Variants in EVC observed in about 807,000 individuals in gnomAD.
EVC encodes evC complex member EVC.
Under a neutral mutation model 118.9 loss-of-function variants are expected in EVC, and 116 were observed. The ratio of observed to expected loss-of-function variants is 0.98; its 90% CI spans 0.84 to 1.14. The LOEUF (loss-of-function observed/expected upper bound fraction) is 1.14, where lower values mean the gene tolerates loss of function less well. EVC is among the 50% of genes most tolerant of loss of function. The pLI, the probability that EVC is intolerant of heterozygous loss-of-function variation, is 0.00. For synonymous variants in EVC, 619 were observed against 534.7 expected, an observed-to-expected ratio of 1.16 and a Z score of -2.18; for missense variants, 1,401 against 1,246.4, an observed-to-expected ratio of 1.12 and a Z score of -1.87.
At chr4:5,815,017 C>T (rs1717455361), downstream of EVC, among the ~76,000 whole-genome samples, 1 of 152,096 alleles carries the variant, frequency 6.6e-6, no homozygotes, top group African/African-American at 2.4e-5. Context: ...ATAAACAATC[C>T]CACTAAACCC....
intron 2 of EVC, among the ~76,000 whole-genome samples, chr4:5,720,011 G>A (rs1577326243): frequency 6.6e-6 from 1 of 152,214 alleles, no homozygotes; most frequent in South Asian, 2.1e-4. Flanking sequence ...GGGGGTGGGG[G>A]TGCTGGGCCT....
intron 12 of EVC, among the ~76,000 whole-genome samples, chr4:5,792,562 A>G (rs1163091465): frequency 6.6e-6 from 1 of 152,234 alleles, no homozygotes; most frequent in Non-Finnish European, 1.5e-5. Flanking sequence ...ATCAGACCGT[A>G]AGTCAGGCCG....
At chr4:5,729,001 T>A (rs6825779) in intron 2 of EVC, among the ~76,000 whole-genome samples, 94,177 of 151,822 alleles carry the variant, frequency 0.62, 29,362 homozygotes, top group Middle Eastern at 0.64. Context: ...CCCATCTGTC[T>A]GTCCATCCTT....
intron 16 of EVC, among the ~76,000 whole-genome samples, chr4:5,804,325 A>C (rs576158008): frequency 6.6e-6 from 1 of 152,208 alleles, no homozygotes; most frequent in African/African-American, 2.4e-5. Context: ...AATGGGGCAT[A>C]ACTTCAGAGC....
At chr4:5,786,100 C>T (rs966303474) in intron 12 of EVC, among the ~76,000 whole-genome samples, 1 of 152,218 alleles carries the variant, frequency 6.6e-6, no homozygotes, top group African/African-American at 2.4e-5. Flanking sequence ...AGCCAGTGAG[C>T]TGACCTCTTG....
In EVC at chr4:5,744,152, G is replaced by C. The variant is rs574835425; in HGVS notation, c.802-1052G>C. On this transcript the variant is annotated intron_variant, in intron 6 of 20. Transcript: ENST00000264956. ...CTTAAAACTTTCAGAAGAGGACAAG[G>C]AGTGCCCAGAATTTGGAAGAGTAAG... 4.6e-5 allele frequency among the ~76,000 whole-genome samples: 7 copies of C among 152,304 alleles called. No individual in the cohort carries two copies. The South Asian group carries it at 6.2e-4, about 14-fold the overall frequency.
downstream of EVC, among the ~76,000 whole-genome samples, chr4:5,816,751 A>G (rs773123362): frequency 6.7e-6 from 1 of 148,954 alleles, no homozygotes; most frequent in Non-Finnish European, 1.5e-5. Flanking sequence ...CTGCATCGCA[A>G]ATCTGTGGGC....
At chr4:5,729,931 C>T (rs1726512791) in intron 3 of EVC, among the ~76,000 whole-genome samples, 3 of 152,222 alleles carry the variant, frequency 2.0e-5, no homozygotes, top group South Asian at 4.1e-4. Context: ...ACCCCAACAC[C>T]TGGCTATGGT....
chr4:5,783,736 T>TC lies in EVC; in HGVS notation c.1750dup (p.Gln584ProfsTer45), dbSNP rs1736000365. On this transcript the variant is annotated frameshift_variant, in exon 12 of 21. Coordinates refer to ENST00000264956, the MANE Select transcript of EVC (RefSeq NM_153717.3). LOFTEE classifies it high-confidence loss of function. ...TTCCGGAGGCAGCAGTGGAAACTCT[T>TC]CCAGGAGCTCCTAGAGCAAGACCAG... The TC allele has an allele frequency of 1.2e-6, 2 of 1,613,300 alleles. No homozygotes were observed. The highest frequency in any genetic ancestry group is 1.7e-6 in the Non-Finnish European group (2 of 1,179,646).
At chr4:5,821,748 G>T in the EVC span, 1 of 1,601,370 alleles carries the variant, frequency 6.2e-7, no homozygotes, top group African/African-American at 1.3e-5. The surrounding 1 kb of genome is among the most constrained non-coding windows in gnomAD (Gnocchi z 4.4). Flanking sequence ...TAGCTCCTCC[G>T]CGCATCCACG....
intron 1 of EVC, among the ~76,000 whole-genome samples, chr4:5,713,978 C>T (rs1490922328): frequency 6.6e-6 from 1 of 152,218 alleles, no homozygotes; most frequent in Non-Finnish European, 1.5e-5. Context: ...TTCCCCTGAG[C>T]ACCTACCCTG....
chr4:5,748,094 CTTTCTTAAG>C, intron 7 of EVC, 45 bp from the exon 8 acceptor site: 1 of 1,582,696 alleles, frequency 6.3e-7, no homozygotes, highest in Non-Finnish European at 8.6e-7. Flanking sequence ...CACCGTTTGG[CTTTCTTAAG>C]TAAGTTTTTC....
the EVC span, chr4:5,821,765 C>G: frequency 1.9e-6 from 3 of 1,609,186 alleles, no homozygotes; most frequent in Non-Finnish European, 2.5e-6. The surrounding 1 kb of genome is among the most constrained non-coding windows in gnomAD (Gnocchi z 4.4). Context: ...CACGTTCAAC[C>G]GAGGCTGGTG....
intron 1 of EVC, among the ~76,000 whole-genome samples, chr4:5,713,460 C>T (rs1723380446): frequency 6.6e-6 from 1 of 152,082 alleles, no homozygotes; most frequent in Admixed American, 6.5e-5. Flanking sequence ...AGCTGTTCAA[C>T]TGAGGTCAGG....
chr4:5,815,110 A>G (rs1717471798), downstream of EVC, among the ~76,000 whole-genome samples: 1 of 152,146 alleles, frequency 6.6e-6, no homozygotes, highest in Non-Finnish European at 1.5e-5. Context: ...TCAGCAGGAA[A>G]GGGAACAGTG....
the EVC span, chr4:5,824,926 A>G: frequency 3.0e-6 from 3 of 985,402 alleles, no homozygotes; most frequent in Non-Finnish European, 3.6e-6. Flanking sequence ...TCAACATCTA[A>G]TTTTGTTCCC....
rs767819783 is a variant in EVC at position 5,753,019 on chromosome 4, G to A, written c.1282G>A (p.Ala428Thr). 6.2e-6 allele frequency: 10 copies of A among 1,609,946 alleles called. No homozygotes were observed. The African/African-American group carries it at 1.3e-4, about 21-fold the overall frequency. The part of the protein sequence containing the change: ...KEELLTQQHK[A>T]FWQEAERFSR... The stretch of plus-strand genomic sequence containing the variant: ...GGAGCTGCTCACGCAGCAGCACAAG[G>A]CCTTCTGGCAGGAGGCAGAGCGCTT... The change falls in exon 9 of 21, where the codon GCC becomes ACC. Residue 428 changes from alanine to threonine, a missense_variant. Physicochemically the swap from Ala to Thr is moderately conservative, Grantham distance 58. Coordinates refer to ENST00000264956, the MANE Select transcript of EVC (RefSeq NM_153717.3).
At chr4:5,796,159 T>C (rs1440025582) in intron 13 of EVC, among the ~76,000 whole-genome samples, 1 of 152,224 alleles carries the variant, frequency 6.6e-6, no homozygotes, top group Admixed American at 6.5e-5. Flanking sequence ...TTTGATTCCT[T>C]GTATAGTTTC....
At chr4:5,791,029 A>T (rs1412702541) in intron 12 of EVC, among the ~76,000 whole-genome samples, 1 of 150,870 alleles carries the variant, frequency 6.6e-6, no homozygotes, top group Non-Finnish European at 1.5e-5. Context: ...CGGGAGGTGA[A>T]GCTTGCAGTG....
Sources: allele counts gnomAD v4.1 joint callset (sites outside exome capture counted in the v4.1 genomes callset), GRCh38; gene constraint gnomAD v4.1.1; non-coding constraint Gnocchi (gnomAD v3.1); transcripts MANE v1.5; gene names NCBI Gene and HGNC (gene_info 2026-07-23, HGNC 2026-07-21).